The following THSD4 variants were observed in gnomAD, a reference collection of about 807,000 sequenced individuals.
THSD4 encodes thrombospondin type-1 domain-containing protein 4.
In THSD4, 69 loss-of-function variants were observed where a neutral mutation model predicts 119.0. The ratio of observed to expected loss-of-function variants is 0.58; its 90% CI spans 0.48 to 0.71. The LOEUF (loss-of-function observed/expected upper bound fraction) is 0.71, where lower values mean the gene tolerates loss of function less well. THSD4 is among the 30% of genes least tolerant of loss of function. THSD4 has a pLI of 0.00. For synonymous variants in THSD4, 524 were observed against 540.4 expected, an observed-to-expected ratio of 0.97 and a Z score of 0.42; for missense variants, 1,393 against 1,391.1, an observed-to-expected ratio of 1.00 and a Z score of -0.02.
chr15:71,629,833 G>A (rs748317468), intron 7 of THSD4, among the ~76,000 whole-genome samples: 7 of 152,078 alleles, frequency 4.6e-5, no homozygotes, highest in African/African-American at 7.2e-5. Flanking sequence ...TTTGGGATGC[G>A]TGGTTTGCAA....
At chr15:71,174,711 G>A (rs2043428052) in intron 3 of THSD4, among the ~76,000 whole-genome samples, 1 of 148,762 alleles carries the variant, frequency 6.7e-6, no homozygotes, top group African/African-American at 2.5e-5. Context: ...AAAGACAGCA[G>A]TAACCTCTGC....
chr15:71,494,907 A>G (rs2047986932), intron 7 of THSD4, among the ~76,000 whole-genome samples: 1 of 152,206 alleles, frequency 6.6e-6, no homozygotes, highest in Non-Finnish European at 1.5e-5. Context: ...TTTCTCTTTC[A>G]GGGCCTAAGA....
intron 6 of THSD4, among the ~76,000 whole-genome samples, chr15:71,303,839 T>G (rs1596325101): frequency 6.6e-6 from 1 of 152,164 alleles, no homozygotes; most frequent in Non-Finnish European, 1.5e-5. Context: ...TGGCTGGCCC[T>G]TGTGTCTCCA....
At chr15:71,396,654 C>T (rs777680450) in intron 6 of THSD4, among the ~76,000 whole-genome samples, 17 of 152,202 alleles carry the variant, frequency 1.1e-4, no homozygotes, top group African/African-American at 2.9e-4. Context: ...CATGACCTCC[C>T]GCTTCTGCTG....
intron 3 of THSD4, among the ~76,000 whole-genome samples, chr15:71,192,191 C>T (rs4777339): frequency 0.54 from 82,261 of 151,888 alleles, 24,760 homozygotes; most frequent in Middle Eastern, 0.69. Flanking sequence ...TGTGAGCCAC[C>T]GCACCTGGCC....
At chr15:71,124,960 A>G (rs2040440594) in intron 1 of THSD4, among the ~76,000 whole-genome samples, 1 of 151,918 alleles carries the variant, frequency 6.6e-6, no homozygotes, top group African/African-American at 2.4e-5. Flanking sequence ...TCCCAGCTAC[A>G]TATATGGGAG....
At chr15:71,181,563 A>G (rs1046530701) in intron 3 of THSD4, among the ~76,000 whole-genome samples, 8 of 152,290 alleles carry the variant, frequency 5.3e-5, no homozygotes, top group Non-Finnish European at 7.4e-5. Flanking sequence ...GCTTGTACCC[A>G]TGAGTTGAAG....
At position 71,615,989 on chromosome 15, in the gene THSD4, C is replaced by T. The variant is rs910917631; in HGVS notation, c.1153-44541C>T. On this transcript the variant is annotated intron_variant, in intron 7 of 17. Transcript: ENST00000261862. ...GGCTCCTTGAGAGCAGAAATTGTGT[C>T]TTATTCACTGACCCACCTCACAGCA... 2.0e-5 allele frequency among the ~76,000 whole-genome samples: 3 copies of T among 152,166 alleles called. No homozygotes were observed. In the East Asian group the frequency reaches 5.8e-4, roughly 29 times the overall value.
At chr15:71,111,717 C>T (rs1216426968), upstream of THSD4, 4 of 523,234 alleles carry the variant, frequency 7.6e-6, no homozygotes, top group Non-Finnish European at 1.0e-5. Flanking sequence ...GAATGTAGGT[C>T]CATTTTCATC....
chr15:71,594,244 T>C (rs1036292328), intron 7 of THSD4, among the ~76,000 whole-genome samples: 1 of 151,836 alleles, frequency 6.6e-6, no homozygotes, highest in Non-Finnish European at 1.5e-5. Flanking sequence ...AAAGTGTCAC[T>C]GTTGCCCAAG....
chr15:71,737,913 C>A lies in THSD4; in HGVS notation c.1812C>A (p.Asn604Lys). ...PDRFSPHRPD[N>K]LVPPAPQPPR... Reference sequence around the variant, plus strand: ...GATTTTCTCCCCATCGACCGGACAACTTGGTGCCACCAGCACCGCAGCCCC... The same window carrying A: ...GATTTTCTCCCCATCGACCGGACAAATTGGTGCCACCAGCACCGCAGCCCC... Residue 604 changes from asparagine to lysine, a missense_variant, in exon 11 of 18, where the codon AAC (asparagine) becomes AAA (lysine). Coordinates refer to ENST00000261862, the MANE Select transcript of THSD4 (RefSeq NM_024817.3). The A allele has an allele frequency of 6.2e-7, 1 of 1,614,238 alleles. No individual in the cohort carries two copies.
chr15:71,764,851 A>G (rs1201719400), intron 15 of THSD4, among the ~76,000 whole-genome samples, 169 bp from the exon 16 acceptor site: 1 of 152,252 alleles, frequency 6.6e-6, no homozygotes, highest in East Asian at 1.9e-4. Flanking sequence ...AGGAAACTGC[A>G]TTCCATATGC....
rs528952984 is a variant in THSD4, at chr15:71,781,951, T to C, written c.*4577T>C. 80 of 152,418 alleles carry C rather than the reference T, an allele frequency of 5.2e-4. No individual in the cohort carries two copies. The highest frequency in any genetic ancestry group is 1.9e-3 in the African/African-American group (78 of 41,564). 9.4% of individuals were successfully genotyped at this position (152,418 alleles called of 1,614,324 possible). A position where few individuals can be genotyped will look rare whatever the true frequency, so the allele number is the denominator to read the frequency against. On this transcript the variant is annotated 3_prime_UTR_variant, in exon 18 of 18. Transcript: ENST00000261862. ...CTGACTTTTGCCACCCTGTCAGCCA[T>C]GGGGAGCCCACTGTGGGACTGAAAC...
chr15:71,755,103 T>G (rs1055107618), intron 14 of THSD4, among the ~76,000 whole-genome samples: 2 of 152,190 alleles, frequency 1.3e-5, no homozygotes, highest in Admixed American at 1.3e-4. Context: ...TATGCCCTGG[T>G]TTTAGGCAGA....
chr15:71,534,832 G>A (rs2011879258), intron 7 of THSD4, among the ~76,000 whole-genome samples: 1 of 152,102 alleles, frequency 6.6e-6, no homozygotes. Context: ...ACAAAAATTA[G>A]CCAGGTGTGG....
At chr15:71,468,065 T>C (rs1051572736) in intron 7 of THSD4, among the ~76,000 whole-genome samples, 7 of 152,068 alleles carry the variant, frequency 4.6e-5, no homozygotes, top group African/African-American at 4.8e-5. Flanking sequence ...GCCAGGCTGG[T>C]CTCGAACTGC....
intron 8 of THSD4, among the ~76,000 whole-genome samples, chr15:71,710,252 T>C (rs2052483133): frequency 6.6e-6 from 1 of 152,218 alleles, no homozygotes; most frequent in African/African-American, 2.4e-5. Flanking sequence ...GGATGACCTC[T>C]GAGGACACTT....
intron 6 of THSD4, among the ~76,000 whole-genome samples, chr15:71,292,675 A>ATT (rs36103838): frequency 4.2e-4 from 55 of 130,580 alleles, no homozygotes; most frequent in African/African-American, 8.4e-4. Flanking sequence ...ATATAACAGG[A>ATT]TTTTTTTTTT....
At chr15:71,289,597 T>C (rs2044764372) in intron 6 of THSD4, among the ~76,000 whole-genome samples, 1 of 152,120 alleles carries the variant, frequency 6.6e-6, no homozygotes, top group Admixed American at 6.5e-5. Flanking sequence ...GCAAAATGAG[T>C]ATGTGAAGAC....
Sources: gnomAD v4.1 joint callset for allele counts (sites outside exome capture counted in the v4.1 genomes callset) on GRCh38, gnomAD v4.1.1 for gene constraint, MANE v1.5 for transcripts, NCBI Gene and HGNC (gene_info 2026-07-23, HGNC 2026-07-21) for gene names.